Variants in APBB2 observed in about 807,000 individuals in gnomAD.
APBB2 encodes the protein amyloid beta precursor protein binding family B member 2, also known as Fe65-like 1.
Under a neutral mutation model 82.5 loss-of-function variants are expected in APBB2, and 38 were observed. That is an observed-to-expected ratio of 0.46 (90% CI 0.36 to 0.60). The LOEUF is 0.60. APBB2 is among the 20% of genes least tolerant of loss of function. The pLI, the probability that APBB2 is intolerant of heterozygous loss-of-function variation, is 0.00. For synonymous variants in APBB2, 341 were observed against 368.2 expected, an observed-to-expected ratio of 0.93 and a Z score of 0.85; for missense variants, 772 against 972.3, an observed-to-expected ratio of 0.79 and a Z score of 2.74.
In APBB2 at chr4:41,018,795, C is replaced by T. The variant is rs1217129350; in HGVS notation, c.20-4397G>A. 5.3e-5 allele frequency among the ~76,000 whole-genome samples: 8 copies of T among 152,312 alleles called. No homozygotes were observed. The East Asian group carries it at 1.5e-3, about 29-fold the overall frequency. On this transcript the variant is annotated intron_variant, in intron 5 of 17. Transcript: ENST00000508593. ...GAGGTAAGCTGGCCCCATTTTTAGG[C>T]TCATTCTCTGGCCTTAGAGTGGACT...
chr4:40,910,427 CGGG>C (rs1340906941), intron 10 of APBB2, among the ~76,000 whole-genome samples: 1 of 151,926 alleles, frequency 6.6e-6, no homozygotes, highest in African/African-American at 2.4e-5. Flanking sequence ...TTTGTAGAGA[CGGG>C]GTCTCACTGT....
At chr4:41,160,364 C>G (rs1252105836) in intron 1 of APBB2, among the ~76,000 whole-genome samples, 2 of 152,188 alleles carry the variant, frequency 1.3e-5, no homozygotes, top group Non-Finnish European at 2.9e-5. Flanking sequence ...CCAGAGATTC[C>G]TTAACAGAGA....
intron 2 of APBB2, among the ~76,000 whole-genome samples, chr4:41,123,101 G>GCTCT (rs150789404): frequency 1.5e-4 from 23 of 148,852 alleles, no homozygotes; most frequent in Admixed American, 1.2e-3. Flanking sequence ...TCTTGCCCCA[G>GCTCT]CTCTCTCTCT....
At chr4:41,141,782 G>A (rs1165727604) in intron 2 of APBB2, among the ~76,000 whole-genome samples, 3 of 152,204 alleles carry the variant, frequency 2.0e-5, no homozygotes, top group African/African-American at 4.8e-5. Flanking sequence ...AGCTTGCGCA[G>A]AGAAACTCCT....
intron 1 of APBB2, among the ~76,000 whole-genome samples, chr4:41,179,474 T>A (rs1312621535): frequency 6.6e-6 from 1 of 152,172 alleles, no homozygotes; most frequent in Non-Finnish European, 1.5e-5. Flanking sequence ...CTAAAATAGT[T>A]TTTATCTATC....
At chr4:41,190,734 T>C (rs1164856253) in intron 1 of APBB2, among the ~76,000 whole-genome samples, 1 of 152,152 alleles carries the variant, frequency 6.6e-6, no homozygotes. Flanking sequence ...TACCTGTCCA[T>C]AAAAACACGG....
At chr4:40,875,150 C>G (rs1374411466) in intron 12 of APBB2, among the ~76,000 whole-genome samples, 1 of 152,174 alleles carries the variant, frequency 6.6e-6, no homozygotes, top group Non-Finnish European at 1.5e-5. Flanking sequence ...TCCTGAGCAG[C>G]AGGGAACATG....
chr4:41,093,474 T>C (rs1408638999), intron 3 of APBB2, among the ~76,000 whole-genome samples: 2 of 152,176 alleles, frequency 1.3e-5, no homozygotes, highest in African/African-American at 2.4e-5. Flanking sequence ...AAGTTCCTAA[T>C]GAACCAGGTA....
intron 1 of APBB2, among the ~76,000 whole-genome samples, chr4:41,176,004 T>G (rs1165380090): frequency 1.3e-5 from 2 of 152,152 alleles, no homozygotes; most frequent in African/African-American, 4.8e-5. Context: ...TTAGCAAACA[T>G]GTTTGAAATA....
intron 6 of APBB2, among the ~76,000 whole-genome samples, chr4:40,992,564 T>G (rs1037403939): frequency 6.6e-6 from 1 of 152,158 alleles, no homozygotes; most frequent in Admixed American, 6.5e-5. Flanking sequence ...TGAACAGCAG[T>G]CTTGGACACC....
intron 10 of APBB2, among the ~76,000 whole-genome samples, chr4:40,930,468 TGCGC>T (rs1560309735): frequency 7.6e-5 from 10 of 132,132 alleles, no homozygotes; most frequent in African/African-American, 2.9e-4. Context: ...CGCGCGCGCG[TGCGC>T]GTGCGCGTAT....
intron 1 of APBB2, among the ~76,000 whole-genome samples, chr4:41,205,771 T>C (rs1295498553): frequency 2.0e-5 from 3 of 152,236 alleles, no homozygotes; most frequent in Non-Finnish European, 2.9e-5. Context: ...TCTGCCCTTA[T>C]ACATTCACTG....
At chr4:41,108,362 T>C (rs1243491304) in intron 2 of APBB2, among the ~76,000 whole-genome samples, 1 of 151,994 alleles carries the variant, frequency 6.6e-6, no homozygotes, top group African/African-American at 2.4e-5. Flanking sequence ...TTAGTCCATT[T>C]CTTAAAAAAA....
chr4:41,115,537 A>G (rs936624684), intron 2 of APBB2, among the ~76,000 whole-genome samples: 2 of 152,196 alleles, frequency 1.3e-5, no homozygotes, highest in African/African-American at 4.8e-5. Context: ...TGAACAGGCA[A>G]CCTACAGAAT....
rs116183406 is a variant in APBB2, at chr4:41,192,250, A to G, written c.-417+22155T>C. ...TATGGAGGTTACCAAAGAAACTCAA[A>G]ACAGAACTACTATAGGAGCCAGCAA... On this transcript the variant is annotated intron_variant, in intron 1 of 17. Transcript: ENST00000508593. Among the ~76,000 whole-genome samples the G allele has an allele frequency of 8.9e-3, 1,358 of 152,336 alleles. 19 individuals carry two copies. Among genetic ancestry groups the G allele is most frequent in the African/African-American group, 0.031 (1,280 of 41,566 alleles).
chr4:41,202,555 T>C (rs1402026121), intron 1 of APBB2, among the ~76,000 whole-genome samples: 1 of 152,166 alleles, frequency 6.6e-6, no homozygotes, highest in Non-Finnish European at 1.5e-5. Flanking sequence ...CAAGAAACCA[T>C]ACTATTTTTG....
chr4:40,837,835 C>A (rs1289244184), intron 12 of APBB2, among the ~76,000 whole-genome samples: 1 of 152,132 alleles, frequency 6.6e-6, no homozygotes, highest in Non-Finnish European at 1.5e-5. Flanking sequence ...AAGCTAGTAC[C>A]AGGAATCAAG....
Position 41,037,994 on chromosome 4 carries a change from G to A in APBB2, c.-50-4690C>T, listed in dbSNP as rs138983112. On this transcript the variant is annotated intron_variant, in intron 4 of 17. Transcript: ENST00000508593. ...GGCAGGCCACTACAAGTTCTACACT[G>A]AGAATACAGTTGTGATTTTGGGGCA... Among the ~76,000 whole-genome samples the A allele has an allele frequency of 1.7e-3, 258 of 152,256 alleles. 1 individual carries two copies. The highest frequency in any genetic ancestry group is 6.0e-3 in the African/African-American group (250 of 41,542).
intron 4 of APBB2, among the ~76,000 whole-genome samples, chr4:41,060,981 G>A (rs1014801589): frequency 6.6e-6 from 1 of 152,144 alleles, no homozygotes; most frequent in East Asian, 1.9e-4. Context: ...AAACCTAAAG[G>A]ACTCAAATAC....
Sources: allele counts gnomAD v4.1 joint callset (sites outside exome capture counted in the v4.1 genomes callset), GRCh38; gene constraint gnomAD v4.1.1; transcripts MANE v1.5; gene names NCBI Gene and HGNC (gene_info 2026-07-23, HGNC 2026-07-21).